Variants in PGA5 observed in about 807,000 individuals in gnomAD.
PGA5 encodes the protein pepsinogen A5.
Under a neutral mutation model 15.9 loss-of-function variants are expected in PGA5, and 19 were observed. The observed-to-expected ratio is 1.19, with a 90% confidence interval of 0.83 to 1.75. PGA5 has a LOEUF of 1.75. PGA5 is among the 40% of genes most tolerant of loss of function. The probability of loss-of-function intolerance (pLI) is 0.00; values close to 1 mark genes in which losing one functional copy is unlikely to be tolerated. For missense variants in PGA5, 224 were observed against 246.4 expected (o/e 0.91, Z 0.61); for synonymous variants, 92 against 95.8 (o/e 0.96, Z 0.23).
chr11:61,246,079 C>T lies in PGA5; in HGVS notation c.590C>T (p.Pro197Leu). The change falls in exon 5 of 9, where the codon CCC (proline) becomes CTC (leucine). Residue 197 changes from proline (P) to leucine (L), a missense_variant. Physicochemically the swap from Pro to Leu is moderately conservative, Grantham distance 98 (BLOSUM62 -3). Coordinates refer to ENST00000312403, the MANE Select transcript of PGA5 (RefSeq NM_014224.5). ...AGCATTTCCTCCTCCGGGGCCACAC[C>T]CGTCTTTGACAACATCTGGAACCAG... ...YPSISSSGAT[P>L]VFDNIWNQGL... The T allele has an allele frequency of 2.3e-6, 1 of 436,850 alleles. No homozygotes were observed. Among genetic ancestry groups the T allele is most frequent in the South Asian group, 2.2e-5 (1 of 45,420 alleles). 27.1% of individuals were successfully genotyped at this position (436,850 alleles called of 1,614,324 possible). A position where few individuals can be genotyped will look rare whatever the true frequency, so the allele number is the denominator to read the frequency against.
chr11:61,250,234 G>A (rs76817827), intron 8 of PGA5, among the ~76,000 whole-genome samples: 1,559 of 151,136 alleles, frequency 0.01, 10 homozygotes, highest in African/African-American at 0.013. Context: ...TGAAGCAAAG[G>A]TTAATGGAGT....
intron 5 of PGA5, 108 bp from the exon 6 acceptor site, chr11:61,248,311 C>A: frequency 1.2e-6 from 2 of 1,613,150 alleles, no homozygotes; most frequent in Non-Finnish European, 1.7e-6. Flanking sequence ...CACCCCAGGA[C>A]AGCCCTGGAA....
intron 4 of PGA5, 24 bp from the exon 5 acceptor site, chr11:61,245,922 C>T (rs1408353290): frequency 4.9e-6 from 1 of 203,460 alleles, no homozygotes; most frequent in Non-Finnish European, 8.7e-6. Context: ...CGATGGTGAA[C>T]ATCATCTCGG....
chr11:61,246,763 CAATA>C (rs147138290), intron 5 of PGA5, among the ~76,000 whole-genome samples: 16,037 of 147,124 alleles, frequency 0.11, 1,011 homozygotes, highest in Non-Finnish European at 0.15. Flanking sequence ...GACTCCATCT[CAATA>C]AATAAATAAA....
Position 61,251,367 on chromosome 11 carries a change from T to C in PGA5, c.*86T>C, listed in dbSNP as rs961022255. 20 of 1,597,774 alleles carry C rather than the reference T, an allele frequency of 1.3e-5. No individual in the cohort carries two copies. Among genetic ancestry groups the C allele is most frequent in the Non-Finnish European group, 1.6e-5 (19 of 1,171,504 alleles). ...ATGTATCTAATTCTCCTGACTGTTCTTCCCAGGGGAGTGTGAAGGTCTTGG... is the reference window on the plus strand; with the variant it reads ...ATGTATCTAATTCTCCTGACTGTTCCTCCCAGGGGAGTGTGAAGGTCTTGG... On this transcript the variant is annotated 3_prime_UTR_variant, in exon 9 of 9. Transcript: ENST00000312403.
intron 5 of PGA5, among the ~76,000 whole-genome samples, chr11:61,247,720 C>T (rs1854083177): frequency 6.6e-6 from 1 of 151,998 alleles, no homozygotes; most frequent in Admixed American, 6.5e-5. Context: ...TCTTCTTGGC[C>T]AGTTAATGTT....
At chr11:61,248,787 G>A (rs190601719) in intron 6 of PGA5, among the ~76,000 whole-genome samples, 4 of 152,214 alleles carry the variant, frequency 2.6e-5, no homozygotes, top group East Asian at 1.9e-4. Context: ...TCCTAGTCAC[G>A]GAGGCAGGAC....
At chr11:61,249,014 C>T (rs115877130) in intron 6 of PGA5, among the ~76,000 whole-genome samples, 2,545 of 152,190 alleles carry the variant, frequency 0.017, 121 homozygotes, top group African/African-American at 0.058. Context: ...TTCATTTCTA[C>T]GCTGTTCTTC....
At chr11:61,250,713 G>A (rs1353956220) in intron 8 of PGA5, 4 of 466,628 alleles carry the variant, frequency 8.6e-6, no homozygotes, top group Non-Finnish European at 1.7e-5. Flanking sequence ...CCCAGGTGAT[G>A]TGCAGACAAG....
chr11:61,246,732 C>T (rs1854069500), intron 5 of PGA5, among the ~76,000 whole-genome samples: 2 of 150,542 alleles, frequency 1.3e-5, no homozygotes, highest in African/African-American at 2.5e-5. Context: ...CCACTGCATC[C>T]TAGCCTGGGC....
In PGA5 at chr11:61,249,780, C is replaced by T. The variant is rs748345927; in HGVS notation, c.885C>T (p.Ser295=). ...CCAGCCCCATTGCCAACATCCAGAGCGACATCGGAGCCAGCGAGAACTCAG... is the reference window on the plus strand; with the variant it reads ...CCAGCCCCATTGCCAACATCCAGAGTGACATCGGAGCCAGCGAGAACTCAG... The part of the protein sequence containing the change: ...GPTSPIANIQ[S]DIGASENSDG... The change falls in exon 7 of 9, where the codon AGC becomes AGT. Residue 295 remains serine (S), a synonymous_variant. Transcript: ENST00000312403. The T allele has an allele frequency of 5.3e-5, 85 of 1,613,524 alleles. 3 individuals carry two copies. Among genetic ancestry groups the T allele is most frequent in the South Asian group, 4.3e-4 (39 of 91,060 alleles).
intron 5 of PGA5, 193 bp from the exon 6 acceptor site, chr11:61,248,226 T>C (rs1565209729): frequency 1.5e-6 from 2 of 1,363,994 alleles, no homozygotes; most frequent in African/African-American, 1.4e-5. Context: ...AGTGTCCTCA[T>C]GGTAAGTGGA....
At position 61,248,685 on chromosome 11, in the gene PGA5, CAA is replaced by C. The variant is rs538766817; in HGVS notation, c.773+152_773+153del. On this transcript the variant is annotated intron_variant, in intron 6 of 8. Transcript: ENST00000312403. Reference sequence around the variant, plus strand: ...GGGGGAAGGTGGAAGTTGGCCAAGCCAAAGAGACCCCTAGAAAGACACCTCCC... The same window carrying C: ...GGGGGAAGGTGGAAGTTGGCCAAGCCAGAGACCCCTAGAAAGACACCTCCC... 360 of 1,538,908 alleles carry C rather than the reference CAA, an allele frequency of 2.3e-4. 1 individual carries two copies. In the Middle Eastern group the frequency reaches 2.9e-3, roughly 12 times the overall value.
chr11:61,250,216 G>A (rs1378669203), intron 8 of PGA5, among the ~76,000 whole-genome samples: 3 of 151,178 alleles, frequency 2.0e-5, no homozygotes, highest in African/African-American at 7.4e-5. Flanking sequence ...GCCCCCTAAG[G>A]GAACAAGTGA....
intron 5 of PGA5, 156 bp from the exon 6 acceptor site, chr11:61,248,263 G>A (rs772288442): frequency 1.8e-5 from 28 of 1,567,602 alleles, no homozygotes; most frequent in East Asian, 9.0e-5. Context: ...CCCACTGCAT[G>A]GGCCCTGGCC....
At chr11:61,248,934 G>A (rs1270307601) in intron 6 of PGA5, among the ~76,000 whole-genome samples, 1 of 152,078 alleles carries the variant, frequency 6.6e-6, no homozygotes. Context: ...GGGGCAAAAT[G>A]GCTAAGAAAT....
rs746862622 is a variant in PGA5, at chr11:61,249,980, A to G, written c.983A>G (p.Gln328Arg). The G allele has an allele frequency of 1.2e-6, 2 of 1,612,022 alleles. No individual in the cohort carries two copies. Among genetic ancestry groups the G allele is most frequent in the Non-Finnish European group, 8.5e-7 (1 of 1,179,336 alleles). ...ATCGTCTTCACCATCAATGGAGTCC[A>G]GTACCCCGTGCCACCCAGTGCCTAC... is the stretch of plus-strand genomic sequence containing the variant. ...PDIVFTINGV[Q>R]YPVPPSAYIL... Residue 328 changes from glutamine to arginine, a missense_variant, in exon 8 of 9, where the codon CAG (glutamine) becomes CGG (arginine). Transcript: ENST00000312403.
Position 61,251,151 on chromosome 11 carries a change from G to A in PGA5, c.1037G>A (p.Ser346Asn). The change falls in exon 9 of 9, where the codon AGT becomes AAT. Residue 346 changes from serine (S) to asparagine (N), a missense_variant. Coordinates refer to ENST00000312403, the MANE Select transcript of PGA5 (RefSeq NM_014224.5). Reference protein sequence around the residue: ...YILQSEGSCISGFQGMNVPTE... With the variant: ...YILQSEGSCINGFQGMNVPTE... ...CTCCAGAGCGAGGGGAGCTGCATCA[G>A]TGGCTTCCAGGGCATGAACGTCCCC... 3 of 1,611,848 alleles carry A rather than the reference G, an allele frequency of 1.9e-6. No homozygotes were observed. Among genetic ancestry groups the A allele is most frequent in the Non-Finnish European group, 2.5e-6 (3 of 1,179,860 alleles).
chr11:61,250,203 A>G (rs1054604872), intron 8 of PGA5, among the ~76,000 whole-genome samples, 189 bp downstream of exon 8: 6 of 151,400 alleles, frequency 4.0e-5, no homozygotes, highest in African/African-American at 2.5e-5. Context: ...GAACTCGGAT[A>G]CAGCCCCCTA....
Sources: allele counts gnomAD v4.1 joint callset (sites outside exome capture counted in the v4.1 genomes callset), GRCh38; gene constraint gnomAD v4.1.1; transcripts MANE v1.5; gene names NCBI Gene and HGNC (gene_info 2026-07-23, HGNC 2026-07-21).